Variants in SPATA13 observed in about 807,000 individuals in gnomAD.
The protein encoded by SPATA13 is spermatogenesis-associated protein 13.
SPATA13 carries 50 observed loss-of-function variants against 104.0 expected under a neutral mutation model. That is an observed-to-expected ratio of 0.48 (90% CI 0.38 to 0.61). The LOEUF is 0.61. Ranked by LOEUF, SPATA13 falls within the 20% of genes least tolerant of loss-of-function variation. The pLI is 0.00. For synonymous variants in SPATA13, 606 were observed against 667.5 expected (o/e 0.91, Z 1.42); for missense variants, 1,524 against 1,690.6 (o/e 0.90, Z 1.73).
In SPATA13 at chr13:24,141,531, G is replaced by A. The variant is rs115484716; in HGVS notation, c.-111-81288G>A. On this transcript the variant is annotated intron_variant, in intron 3 of 14. Coordinates refer to the SPATA13 transcript ENST00000424834. ...CTGAGCTCTAATCCTTCTCTCTCCTGTGATCCCAAAACCTTCTGCATATTC... is the reference window on the plus strand; with the variant it reads ...CTGAGCTCTAATCCTTCTCTCTCCTATGATCCCAAAACCTTCTGCATATTC... 8.5e-3 allele frequency among the ~76,000 whole-genome samples: 1,294 copies of A among 152,184 alleles called. 13 individuals carry two copies. The highest frequency in any genetic ancestry group is 0.03 in the African/African-American group (1,226 of 41,514).
upstream of SPATA13, among the ~76,000 whole-genome samples, chr13:24,158,915 A>T (rs1309762195): frequency 1.3e-5 from 2 of 152,210 alleles, no homozygotes; most frequent in Non-Finnish European, 2.9e-5. Context: ...AAATCCATTC[A>T]TCTGAGGGCC....
intron 3 of SPATA13, among the ~76,000 whole-genome samples, chr13:24,052,352 A>C (rs1208747107): frequency 6.6e-6 from 1 of 151,932 alleles, no homozygotes; most frequent in Non-Finnish European, 1.5e-5. Flanking sequence ...CAGGCTGAGC[A>C]GCGTTAACGA....
At chr13:24,111,456 G>A (rs923539837) in intron 3 of SPATA13, among the ~76,000 whole-genome samples, 38 of 149,490 alleles carry the variant, frequency 2.5e-4, no homozygotes, top group African/African-American at 9.4e-4. Context: ...CACCGAGGCT[G>A]AAGTGCAGTG....
chr13:24,246,165 G>A (rs1465740174), intron 2 of SPATA13, among the ~76,000 whole-genome samples: 1 of 152,158 alleles, frequency 6.6e-6, no homozygotes, highest in Non-Finnish European at 1.5e-5. Context: ...TTGTGAGCAG[G>A]TGGACAGTTC....
intron 3 of SPATA13, among the ~76,000 whole-genome samples, chr13:24,032,496 T>G (rs1201365296): frequency 2.0e-5 from 3 of 152,228 alleles, no homozygotes; most frequent in Non-Finnish European, 4.4e-5. Context: ...GCTCTGTCTC[T>G]GCCAGAGATT....
At position 24,140,514 on chromosome 13, in the gene SPATA13, C is replaced by T. The variant is rs143943599; in HGVS notation, c.-111-82305C>T. On this transcript the variant is annotated intron_variant, in intron 3 of 14. Coordinates refer to the SPATA13 transcript ENST00000424834. ...TCTGGAACCCCAAACACAAGGGTCA[C>T]GTGCAGAAGCAGAGCTGTTTGGATC... 5.3e-5 allele frequency among the ~76,000 whole-genome samples: 8 copies of T among 152,320 alleles called. No individual in the cohort carries two copies. The East Asian group carries it at 1.2e-3, about 22-fold the overall frequency.
At chr13:24,278,741 G>C in intron 4 of SPATA13, 2 of 1,591,180 alleles carry the variant, frequency 1.3e-6, no homozygotes, top group Non-Finnish European at 8.5e-7. Context: ...AAAAAACAAA[G>C]AAAGAAACTT....
intron 10 of SPATA13, among the ~76,000 whole-genome samples, chr13:24,296,251 T>C (rs995594239): frequency 3.3e-5 from 5 of 152,212 alleles, no homozygotes; most frequent in African/African-American, 4.8e-5. Flanking sequence ...CAGTGAAGAA[T>C]CTAGGGCACG....
At chr13:24,246,172 G>T (rs535982525) in intron 2 of SPATA13, among the ~76,000 whole-genome samples, 6 of 152,338 alleles carry the variant, frequency 3.9e-5, no homozygotes, top group Non-Finnish European at 5.9e-5. Flanking sequence ...CAGGTGGACA[G>T]TTCCCTGCCT....
intron 3 of SPATA13, among the ~76,000 whole-genome samples, chr13:24,057,081 A>C (rs1177959072): frequency 6.8e-6 from 1 of 147,042 alleles, no homozygotes; most frequent in African/African-American, 2.5e-5. Flanking sequence ...TTTTTTTAAA[A>C]AATTTTATTA....
intron 2 of SPATA13, among the ~76,000 whole-genome samples, chr13:23,990,387 C>T (rs992547704): frequency 3.3e-5 from 5 of 152,126 alleles, no homozygotes; most frequent in Non-Finnish European, 5.9e-5. Flanking sequence ...CCCTCTGTTT[C>T]CTTGCTCATT....
chr13:24,302,656 C>T lies in SPATA13; in HGVS notation c.3717C>T (p.Arg1239=). Residue 1239 remains arginine, a synonymous_variant, in exon 13 of 13, where the codon CGC becomes CGT. Coordinates refer to ENST00000382108, the MANE Select transcript of SPATA13 (RefSeq NM_001166271.3). ...AGGGCCTGCACCCCATCCACCAGCG[C>T]CACATCACTATGCCCACAAGCGTCC... ...PHQGLHPIHQ[R]HITMPTSVPQ... 6.2e-7 allele frequency: 1 copy of T among 1,614,050 alleles called. No individual in the cohort carries two copies. Among genetic ancestry groups the T allele is most frequent in the South Asian group, 1.1e-5 (1 of 91,072 alleles).
intron 3 of SPATA13, chr13:24,122,287 G>C (rs1881054600): frequency 7.4e-7 from 1 of 1,353,764 alleles, no homozygotes; most frequent in African/African-American, 1.4e-5. Context: ...TAGTTTGAAA[G>C]ATAGTTTGAA....
At chr13:24,184,452 A>G (rs1291653973) in intron 1 of SPATA13, among the ~76,000 whole-genome samples, 1 of 152,200 alleles carries the variant, frequency 6.6e-6, no homozygotes, top group Non-Finnish European at 1.5e-5. Flanking sequence ...CCTCATTTGG[A>G]TGGAAAGTGA....
intron 4 of SPATA13, among the ~76,000 whole-genome samples, chr13:24,254,715 G>A (rs1200954854): frequency 6.6e-6 from 1 of 152,218 alleles, no homozygotes; most frequent in Non-Finnish European, 1.5e-5. Flanking sequence ...TTCCTGCGGG[G>A]AACCGTATCA....
chr13:24,185,628 C>T (rs766886592), intron 1 of SPATA13, among the ~76,000 whole-genome samples: 21 of 151,918 alleles, frequency 1.4e-4, no homozygotes, highest in Non-Finnish European at 2.4e-4. Context: ...TTGGTGTTAA[C>T]GTAATAGGCA....
chr13:24,057,666 T>C (rs1878614250), intron 3 of SPATA13, among the ~76,000 whole-genome samples: 1 of 147,638 alleles, frequency 6.8e-6, no homozygotes, highest in Non-Finnish European at 1.5e-5. Context: ...TAAGAAATGT[T>C]ACTTCCTGAA....
chr13:23,997,205 A>C (rs1449237214), intron 2 of SPATA13, among the ~76,000 whole-genome samples: 2 of 152,190 alleles, frequency 1.3e-5, no homozygotes, highest in Non-Finnish European at 2.9e-5. Flanking sequence ...TCTTTTCTTC[A>C]TTTGTTAAGG....
intron 3 of SPATA13, among the ~76,000 whole-genome samples, chr13:24,079,363 C>T (rs1464996515): frequency 6.6e-6 from 1 of 152,172 alleles, no homozygotes; most frequent in Non-Finnish European, 1.5e-5. Flanking sequence ...GTGACATGAT[C>T]CACGCTACTC....
Sources: gnomAD v4.1 joint callset for allele counts (sites outside exome capture counted in the v4.1 genomes callset) on GRCh38, gnomAD v4.1.1 for gene constraint, MANE v1.5 for transcripts, NCBI Gene and HGNC (gene_info 2026-07-23, HGNC 2026-07-21) for gene names.